NRG1: variants seen among roughly 807,000 people sequenced by gnomAD.
NRG1 encodes the protein neuregulin 1.
Under a neutral mutation model 63.8 loss-of-function variants are expected in NRG1, and 18 were observed. That is an observed-to-expected ratio of 0.28 (90% CI 0.19 to 0.42). The LOEUF is 0.42. NRG1 is among the 10% of genes least tolerant of loss of function. The pLI is 1.00. For missense variants in NRG1, 762 were observed against 814.7 expected, an observed-to-expected ratio of 0.94 and a Z score of 0.79; for synonymous variants, 302 against 301.3, an observed-to-expected ratio of 1.00 and a Z score of -0.02.
At chr8:32,330,081 A>AAAAAAAT (rs1563322139) in intron 1 of NRG1, among the ~76,000 whole-genome samples, 1 of 125,038 alleles carries the variant, frequency 8.0e-6, no homozygotes, top group African/African-American at 3.1e-5. Flanking sequence ...AAAAAAAAAA[A>AAAAAAAT]GTGTGTAGGG....
In NRG1 at chr8:31,900,673, C is replaced by T. The variant is rs535444980; in HGVS notation, c.37+261242C>T. 1.8e-4 allele frequency among the ~76,000 whole-genome samples: 27 copies of T among 152,230 alleles called. 1 individual carries two copies. Among genetic ancestry groups the T allele is most frequent in the African/African-American group, 5.3e-4 (22 of 41,528 alleles). Reference sequence around the variant, plus strand: ...TGTCATCTTCTTTTGTAAACTACATCCTGAACATATCCCATCCTGACTGCT... The same window carrying T: ...TGTCATCTTCTTTTGTAAACTACATTCTGAACATATCCCATCCTGACTGCT... On this transcript the variant is annotated intron_variant, in intron 1 of 10. Transcript: ENST00000519301.
intron 6 of NRG1, among the ~76,000 whole-genome samples, chr8:32,740,917 A>T (rs1012809991): frequency 6.6e-6 from 1 of 152,184 alleles, no homozygotes; most frequent in Non-Finnish European, 1.5e-5. Context: ...GCTAACTTGG[A>T]TAGGCTCTTT....
At chr8:32,638,107 A>T (rs1049424923) in intron 5 of NRG1, among the ~76,000 whole-genome samples, 2 of 152,152 alleles carry the variant, frequency 1.3e-5, no homozygotes, top group Admixed American at 1.3e-4. Context: ...GGAGAAATAG[A>T]TGTGATTCCC....
chr8:32,408,654 C>G (rs1814445207), intron 1 of NRG1, among the ~76,000 whole-genome samples: 1 of 152,086 alleles, frequency 6.6e-6, no homozygotes, highest in Admixed American at 6.6e-5. Context: ...CTCTGTTGAG[C>G]TTCCACAAAG....
intron 1 of NRG1, among the ~76,000 whole-genome samples, chr8:31,791,959 A>G (rs2131667157): frequency 6.6e-6 from 1 of 152,256 alleles, no homozygotes; most frequent in South Asian, 2.1e-4. Context: ...TACATGTTCT[A>G]GCTCCTTGGT....
chr8:32,222,119 A>G (rs1023146481), intron 1 of NRG1, among the ~76,000 whole-genome samples: 4 of 152,124 alleles, frequency 2.6e-5, no homozygotes, highest in Non-Finnish European at 5.9e-5. Context: ...AAATGTATAC[A>G]TGTTTTCAGT....
intron 1 of NRG1, among the ~76,000 whole-genome samples, chr8:32,115,231 A>T (rs1022821851): frequency 5.9e-5 from 9 of 151,950 alleles, no homozygotes; most frequent in Admixed American, 6.6e-5. Flanking sequence ...GAGTTTCATC[A>T]CGTTGGCCAG....
chr8:31,888,999 A>C (rs1830938491), intron 1 of NRG1, among the ~76,000 whole-genome samples: 1 of 152,174 alleles, frequency 6.6e-6, no homozygotes, highest in South Asian at 2.1e-4. Context: ...CCACAGGGAA[A>C]GCCTAGTCAC....
At chr8:31,853,432 G>T (rs1426975855) in intron 1 of NRG1, among the ~76,000 whole-genome samples, 1 of 150,058 alleles carries the variant, frequency 6.7e-6, no homozygotes, top group Non-Finnish European at 1.5e-5. Context: ...TGGTGTATAA[G>T]AATGCTTGTG....
chr8:32,103,558 G>A (rs1830850023), intron 1 of NRG1, among the ~76,000 whole-genome samples: 1 of 152,156 alleles, frequency 6.6e-6, no homozygotes, highest in East Asian at 1.9e-4. Flanking sequence ...CCAGCAGTGG[G>A]ATTGCTGGAT....
At chr8:32,176,017 AT>A in intron 1 of NRG1, among the ~76,000 whole-genome samples, 1 of 152,336 alleles carries the variant, frequency 6.6e-6, no homozygotes, top group South Asian at 2.1e-4. Context: ...AAGAGCCTGC[AT>A]TGCCAAGTCA....
intron 1 of NRG1, among the ~76,000 whole-genome samples, chr8:32,242,347 G>A (rs759946877): frequency 1.4e-4 from 21 of 152,068 alleles, no homozygotes; most frequent in African/African-American, 2.7e-4. Context: ...GGTGGTGGGC[G>A]CCTATAATCC....
Position 31,834,307 on chromosome 8 carries a change from G to GCACGCA in NRG1, c.37+194879_37+194880insGCACAC, listed in dbSNP as rs373890145. On this transcript the variant is annotated intron_variant, in intron 1 of 10. Transcript: ENST00000519301. ...CCTTCATGCGTGTGCGCGCACGCGC[G>GCACGCA]CACACACACACACACACACACACGC... Among the ~76,000 whole-genome samples, 110 of 119,514 alleles carry GCACGCA rather than the reference G, an allele frequency of 9.2e-4. 1 individual carries two copies. The Middle Eastern group carries it at 0.011, about 12-fold the overall frequency. The allele number at this position is 119,514 out of a possible 152,430, so 78.4% of individuals were successfully genotyped here. A position where few individuals can be genotyped will look rare whatever the true frequency, so the allele number is the denominator to read the frequency against.
At chr8:32,141,531 T>C in intron 1 of NRG1, among the ~76,000 whole-genome samples, 1 of 147,062 alleles carries the variant, frequency 6.8e-6, no homozygotes, top group Non-Finnish European at 1.5e-5. Context: ...AGTGTGTGTG[T>C]GTGTGTGTGT....
intron 1 of NRG1, among the ~76,000 whole-genome samples, chr8:31,813,472 C>T (rs2131798395): frequency 7.3e-6 from 1 of 137,466 alleles, no homozygotes; most frequent in East Asian, 2.2e-4. Context: ...TCACTTTGAT[C>T]ATTGACTTTG....
At chr8:31,752,495 T>C (rs950197329) in intron 1 of NRG1, among the ~76,000 whole-genome samples, 1 of 152,026 alleles carries the variant, frequency 6.6e-6, no homozygotes, top group African/African-American at 2.4e-5. Context: ...GCATTCAACA[T>C]TCAGCTAGTA....
chr8:32,748,837 G>A, intron 7 of NRG1: 1 of 339,602 alleles, frequency 2.9e-6, no homozygotes. Context: ...ACTTATATGA[G>A]AAAAACTAGA....
chr8:31,791,448 C>G (rs1441066487), intron 1 of NRG1, among the ~76,000 whole-genome samples: 1 of 152,126 alleles, frequency 6.6e-6, no homozygotes, highest in African/African-American at 2.4e-5. Context: ...TTGCCACCTC[C>G]TATCAAGAAT....
intron 1 of NRG1, among the ~76,000 whole-genome samples, chr8:31,953,671 G>T (rs28650828): frequency 0.025 from 3,793 of 152,200 alleles, 167 homozygotes; most frequent in African/African-American, 0.086. Context: ...GACTTTTGGG[G>T]TTTATTTTTA....
Sources: gnomAD v4.1 joint callset for allele counts (sites outside exome capture counted in the v4.1 genomes callset) on GRCh38, gnomAD v4.1.1 for gene constraint, MANE v1.5 for transcripts, NCBI Gene and HGNC (gene_info 2026-07-23, HGNC 2026-07-21) for gene names.